MCU: variants seen among roughly 807,000 people sequenced by gnomAD.
The protein encoded by MCU is calcium uniporter protein, mitochondrial.
MCU carries 12 observed loss-of-function variants against 45.2 expected under a neutral mutation model. The ratio of observed to expected loss-of-function variants is 0.27; its 90% CI spans 0.17 to 0.43. The LOEUF is 0.43. MCU is among the 20% of genes least tolerant of loss of function. The pLI is 1.00. For synonymous variants in MCU, 160 were observed against 165.1 expected (o/e 0.97, Z 0.24); for missense variants, 324 against 436.7 (o/e 0.74, Z 2.30).
chr10:72,843,145 C>T (rs1004926958), intron 2 of MCU, among the ~76,000 whole-genome samples: 2 of 152,126 alleles, frequency 1.3e-5, no homozygotes, highest in Admixed American at 6.5e-5. Context: ...CCTGCATTGA[C>T]GCATCATTAC....
intron 1 of MCU, among the ~76,000 whole-genome samples, chr10:72,808,795 A>AG (rs1844493895): frequency 6.6e-6 from 1 of 152,152 alleles, no homozygotes; most frequent in South Asian, 2.1e-4. Flanking sequence ...GAGAATGTGA[A>AG]GGGGGAAGTG....
chr10:72,792,733 G>C (rs1179138363), intron 1 of MCU, among the ~76,000 whole-genome samples: 2 of 109,682 alleles, frequency 1.8e-5, no homozygotes, highest in Non-Finnish European at 3.4e-5. Context: ...TCCCCAAAAG[G>C]GGCTGCTTGC....
intron 1 of MCU, chr10:72,692,555 A>C: frequency 9.2e-7 from 1 of 1,085,482 alleles, no homozygotes; most frequent in South Asian, 4.4e-5. Flanking sequence ...TGGGGACACC[A>C]GGGCGGGGAA....
Position 72,886,123 on chromosome 10 carries a change from T to C in MCU, c.*301T>C. 4.3e-6 allele frequency: 1 copy of C among 232,014 alleles called. No homozygotes were observed. The allele number at this position is 232,014 out of a possible 1,614,324, so 14.4% of individuals were successfully genotyped here. On this transcript the variant is annotated 3_prime_UTR_variant, in exon 8 of 8. Transcript: ENST00000373053. ...TAAAGAGAAAACAATGCTGGGGGTG[T>C]TCGTTTCTTGCATCTTCTTTGCAGA...
rs181207935 is a variant in MCU, at chr10:72,745,389, G to C, written c.150+53088G>C. ...CATCACAGGCGCACACTACCACACC[G>C]GCTGGTTTTTTCTATTTTTAGTAGA... is the stretch of plus-strand genomic sequence containing the variant. On this transcript the variant is annotated intron_variant, in intron 1 of 7. Coordinates refer to ENST00000373053, the MANE Select transcript of MCU (RefSeq NM_138357.3). Among the ~76,000 whole-genome samples, 12 of 152,030 alleles carry C rather than the reference G, an allele frequency of 7.9e-5. No individual in the cohort carries two copies. The East Asian group carries it at 1.2e-3, about 15-fold the overall frequency.
At chr10:72,788,005 C>T (rs1343228353) in intron 1 of MCU, among the ~76,000 whole-genome samples, 1 of 152,246 alleles carries the variant, frequency 6.6e-6, no homozygotes, top group East Asian at 1.9e-4. Flanking sequence ...GCATGAGCCA[C>T]TGCGCCCGGC....
chr10:72,877,872 A>G (rs1845640115), intron 6 of MCU, among the ~76,000 whole-genome samples: 1 of 152,108 alleles, frequency 6.6e-6, no homozygotes, highest in Non-Finnish European at 1.5e-5. Context: ...TCTTGCTTTG[A>G]TTTGGAACCT....
intron 4 of MCU, among the ~76,000 whole-genome samples, chr10:72,863,187 G>A (rs1413490470): frequency 1.3e-5 from 2 of 151,986 alleles, no homozygotes; most frequent in Non-Finnish European, 2.9e-5. Flanking sequence ...TGTCAATATT[G>A]ACTCTTCCAA....
chr10:72,832,716 A>G (rs1844896261), intron 1 of MCU, among the ~76,000 whole-genome samples: 1 of 152,208 alleles, frequency 6.6e-6, no homozygotes, highest in African/African-American at 2.4e-5. Context: ...AGGACTTTAC[A>G]TGTATTACTC....
intron 1 of MCU, among the ~76,000 whole-genome samples, chr10:72,742,934 G>T (rs1228903952): frequency 6.6e-6 from 1 of 152,070 alleles, no homozygotes; most frequent in Non-Finnish European, 1.5e-5. Flanking sequence ...TAGGAAGTCA[G>T]GGAAAGGGGG....
At chr10:72,823,813 A>G (rs1361994197) in intron 1 of MCU, among the ~76,000 whole-genome samples, 1 of 152,214 alleles carries the variant, frequency 6.6e-6, no homozygotes, top group Non-Finnish European at 1.5e-5. Flanking sequence ...TAATCCCAGC[A>G]CTTTGGGAGG....
chr10:72,825,420 C>T (rs771917823), intron 1 of MCU, among the ~76,000 whole-genome samples: 2 of 152,184 alleles, frequency 1.3e-5, no homozygotes, highest in Non-Finnish European at 2.9e-5. Flanking sequence ...TAATCTTTCA[C>T]CTCTAAACAT....
At chr10:72,809,325 AT>A (rs1379583763) in intron 1 of MCU, among the ~76,000 whole-genome samples, 2 of 152,180 alleles carry the variant, frequency 1.3e-5, no homozygotes, top group Non-Finnish European at 2.9e-5. Context: ...TGGGATTCAA[AT>A]CCATTTGTGA....
chr10:72,782,829 T>G (rs1844016082), intron 1 of MCU, among the ~76,000 whole-genome samples: 1 of 152,224 alleles, frequency 6.6e-6, no homozygotes, highest in Non-Finnish European at 1.5e-5. Flanking sequence ...GCAAAGCCAG[T>G]AGCTTCAGAA....
chr10:72,849,656 G>GC (rs1241458336), intron 2 of MCU, among the ~76,000 whole-genome samples: 1 of 152,142 alleles, frequency 6.6e-6, no homozygotes, highest in African/African-American at 2.4e-5. Context: ...AGGAAGAATA[G>GC]CTTATGAGGG....
At chr10:72,838,082 C>T (rs1234140006) in intron 2 of MCU, among the ~76,000 whole-genome samples, 2 of 151,498 alleles carry the variant, frequency 1.3e-5, no homozygotes, top group African/African-American at 2.4e-5. Context: ...AGGATGGTCT[C>T]GATCTCTTGA....
In MCU at chr10:72,802,008, G is replaced by C. The variant is rs117018776; in HGVS notation, c.151-32351G>C. ...CTTAATTGTGTTTTTACACATTTGTGTGGCATTTCCTTTAAGCCACCTATG... is the reference window on the plus strand; with the variant it reads ...CTTAATTGTGTTTTTACACATTTGTCTGGCATTTCCTTTAAGCCACCTATG... On this transcript the variant is annotated intron_variant, in intron 1 of 7. Coordinates refer to ENST00000373053, the MANE Select transcript of MCU (RefSeq NM_138357.3). Among the ~76,000 whole-genome samples the C allele has an allele frequency of 6.3e-3, 961 of 152,280 alleles. 7 individuals are homozygous for C. The highest frequency in any genetic ancestry group is 0.035 in the East Asian group (181 of 5,174).
At chr10:72,742,115 C>T (rs896972453) in intron 1 of MCU, among the ~76,000 whole-genome samples, 1 of 150,660 alleles carries the variant, frequency 6.6e-6, no homozygotes, top group Non-Finnish European at 1.5e-5. Context: ...GTATCGTATA[C>T]TGTACCTTTT....
At chr10:72,876,259 T>TTCAC (rs1186076104) in intron 6 of MCU, among the ~76,000 whole-genome samples, 1 of 152,204 alleles carries the variant, frequency 6.6e-6, no homozygotes, top group Non-Finnish European at 1.5e-5. Context: ...AGACCTTTTA[T>TTCAC]TCACTCACTC....
Sources: gnomAD v4.1 joint callset for allele counts (sites outside exome capture counted in the v4.1 genomes callset) on GRCh38, gnomAD v4.1.1 for gene constraint, MANE v1.5 for transcripts, NCBI Gene and HGNC (gene_info 2026-07-23, HGNC 2026-07-21) for gene names.